Variants in SLC22A7 observed in about 807,000 individuals in gnomAD.
SLC22A7 encodes solute carrier family 22 member 7.
SLC22A7 carries 48 observed loss-of-function variants against 62.2 expected under a neutral mutation model. The observed-to-expected ratio is 0.77, with a 90% CI of 0.61 to 0.98. The LOEUF (loss-of-function observed/expected upper bound fraction) is 0.98. Among genes scored for constraint, SLC22A7 ranks in the 50% least tolerant of loss-of-function variants. SLC22A7 has a pLI of 0.00. For synonymous variants in SLC22A7, 276 were observed against 314.8 expected (o/e 0.88, Z 1.30); for missense variants, 581 against 703.8 (o/e 0.83, Z 1.97).
chr6:43,300,508 C>A (rs1778702941), intron 5 of SLC22A7, among the ~76,000 whole-genome samples: 1 of 152,100 alleles, frequency 6.6e-6, no homozygotes, highest in South Asian at 2.1e-4. Flanking sequence ...TCCTGCCACC[C>A]ATGGGAGAAG....
At chr6:43,296,438 G>A (rs1778565653), upstream of SLC22A7, among the ~76,000 whole-genome samples, 1 of 152,244 alleles carries the variant, frequency 6.6e-6, no homozygotes, top group Admixed American at 6.5e-5. Context: ...GAGATGGGGT[G>A]ACCACAAAAC....
Position 43,299,149 on chromosome 6 carries a change from C to T in SLC22A7, c.399+52C>T, listed in dbSNP as rs1778643407. ...GGTGGAATGTCGGTGGAGGCAGTCTCCCTGGGAGGCAGCAGGTCGAGGCCT... is the reference window on the plus strand; with the variant it reads ...GGTGGAATGTCGGTGGAGGCAGTCTTCCTGGGAGGCAGCAGGTCGAGGCCT... On this transcript the variant is annotated intron_variant, in intron 2 of 10. Transcript: ENST00000372585. This position sits in a 1 kb window ranked among gnomAD's most constrained non-coding sequence, Gnocchi z 4.4. 6.2e-7 allele frequency: 1 copy of T among 1,614,100 alleles called. No homozygotes were observed. Among genetic ancestry groups the T allele is most frequent in the African/African-American group, 1.3e-5 (1 of 75,032 alleles).
chr6:43,299,695 C>G lies in SLC22A7; in HGVS notation c.572C>G (p.Ala191Gly). 6.2e-7 allele frequency: 1 copy of G among 1,614,164 alleles called. No individual in the cohort carries two copies. Residue 191 changes from alanine (A) to glycine (G), a missense_variant, in exon 4 of 11, where the codon GCC becomes GGC. Physicochemically the swap from Ala to Gly is moderately conservative, Grantham distance 60. Coordinates refer to ENST00000372585, the MANE Select transcript of SLC22A7 (RefSeq NM_153320.2). The surrounding 1 kb of genome is among the most constrained non-coding windows in gnomAD (Gnocchi z 4.4). Reference sequence around the variant, plus strand: ...CTGGTGCTGGGCCTGGCATCTGCAGCCTCCGTCAGCTATGTAATGTTTGCC... The same window carrying G: ...CTGGTGCTGGGCCTGGCATCTGCAGGCTCCGTCAGCTATGTAATGTTTGCC... ...STLVLGLASA[A>G]SVSYVMFAIT...
intron 1 of SLC22A7, 126 bp from the exon 2 acceptor site, chr6:43,298,966 G>C: frequency 8.7e-7 from 1 of 1,151,422 alleles, no homozygotes; most frequent in Non-Finnish European, 1.2e-6. Context: ...TTAATTGGGA[G>C]GTGATTAAGG....
In SLC22A7 at chr6:43,299,558, T is replaced by C. The variant is rs1171111348; in HGVS notation, c.503+65T>C. 6.2e-7 allele frequency: 1 copy of C among 1,609,306 alleles called. No homozygotes were observed. The highest frequency in any genetic ancestry group is 1.3e-5 in the African/African-American group (1 of 74,804). On this transcript the variant is annotated intron_variant, in intron 3 of 10. Transcript: ENST00000372585. The surrounding 1 kb of genome is among the most constrained non-coding windows in gnomAD (Gnocchi z 4.4). ...GAACTTTCTCCCACTAGCTGGGGTA[T>C]GAGCCTAGTCTACCTATGCCTTAGA...
Position 43,304,754 on chromosome 6 carries a change from A to G in SLC22A7, c.*29A>G. 6.6e-7 allele frequency: 1 copy of G among 1,522,032 alleles called. No individual in the cohort carries two copies. Among genetic ancestry groups the G allele is most frequent in the Non-Finnish European group, 8.9e-7 (1 of 1,123,692 alleles). The allele number at this position is 1,522,032 out of a possible 1,614,324, so 94.3% of individuals were successfully genotyped here. On this transcript the variant is annotated 3_prime_UTR_variant, in exon 11 of 11. Coordinates refer to ENST00000372585, the MANE Select transcript of SLC22A7 (RefSeq NM_153320.2). ...GGAGTGGAGGCAGGCCCTCCACAGA[A>G]GCTCTGCAGCAGGGGCTGGGAGAGC...
In SLC22A7 at chr6:43,302,085, G is replaced by C. The variant is rs543022610; in HGVS notation, c.1062-115G>C. The stretch of plus-strand genomic sequence containing the variant: ...AGGGAAGGTCCTGGCGGGGGGACCG[G>C]GGGTTGCAGAGACAGAAGGAGATTG... On this transcript the variant is annotated intron_variant, in intron 7 of 10. Coordinates refer to ENST00000372585, the MANE Select transcript of SLC22A7 (RefSeq NM_153320.2). This position sits in a 1 kb window ranked among gnomAD's most constrained non-coding sequence, Gnocchi z 5.0. 72 of 922,458 alleles carry C rather than the reference G, an allele frequency of 7.8e-5. 2 individuals are homozygous for C. In the African/African-American group the frequency reaches 9.6e-4, roughly 12 times the overall value. The allele number at this position is 922,458 out of a possible 1,614,324, so 57.1% of individuals were successfully genotyped here.
rs377143174 is a variant in SLC22A7 at position 43,302,432 on chromosome 6, G to A, written c.1276+18G>A. On this transcript the variant is annotated intron_variant, in intron 8 of 10. Transcript: ENST00000372585. This position sits in a 1 kb window ranked among gnomAD's most constrained non-coding sequence, Gnocchi z 5.0. ...GTCCTCCGGTGAGCCCAGTCCCATA[G>A]GTTCTGCCCACCCCAGAAGCCGGGC... The A allele has an allele frequency of 3.3e-6, 5 of 1,529,374 alleles. No homozygotes were observed. In the Admixed American group the frequency reaches 6.0e-5, roughly 18 times the overall value. 94.7% of individuals were successfully genotyped at this position (1,529,374 alleles called of 1,614,324 possible). A position where few individuals can be genotyped will look rare whatever the true frequency, so the allele number is the denominator to read the frequency against.
chr6:43,298,832 A>G, intron 1 of SLC22A7, 81 bp downstream of exon 1: 2 of 1,502,524 alleles, frequency 1.3e-6, no homozygotes, highest in Non-Finnish European at 1.8e-6. Context: ...TAGGCATTAG[A>G]TGTATTACTT....
In SLC22A7 at chr6:43,301,399, T is replaced by G. The variant is rs1582550529; in HGVS notation, c.951+141T>G. The G allele has an allele frequency of 3.9e-6, 5 of 1,282,190 alleles. No homozygotes were observed. In the African/African-American group the frequency reaches 7.3e-5, roughly 19 times the overall value. The allele number at this position is 1,282,190 out of a possible 1,614,324, so 79.4% of individuals were successfully genotyped here. ...ACAGAGAGTTCCGAACTCTTTAGGA[T>G]GTCCTACCTGGCTCCAGTGGGCCAC... On this transcript the variant is annotated intron_variant, in intron 6 of 10. Coordinates refer to ENST00000372585, the MANE Select transcript of SLC22A7 (RefSeq NM_153320.2).
intron 9 of SLC22A7, chr6:43,303,081 C>G: frequency 5.1e-6 from 5 of 982,776 alleles, no homozygotes; most frequent in Non-Finnish European, 6.0e-6. Context: ...TGTGTTTGCC[C>G]TAGTCTTGGA....
In SLC22A7 at chr6:43,301,434, T is replaced by C. The variant is rs1778742812; in HGVS notation, c.952-149T>C. On this transcript the variant is annotated intron_variant, in intron 6 of 10. Coordinates refer to ENST00000372585, the MANE Select transcript of SLC22A7 (RefSeq NM_153320.2). ...GGCTCCAGTGGGCCACATCCATCAT[T>C]CGAGACCCACTCGTCTCAGCTGCCA... The C allele has an allele frequency of 3.7e-6, 4 of 1,077,868 alleles. No homozygotes were observed. In the Admixed American group the frequency reaches 6.4e-5, roughly 17 times the overall value. The allele number at this position is 1,077,868 out of a possible 1,614,324, so 66.8% of individuals were successfully genotyped here.
chr6:43,301,569 T>G lies in SLC22A7; in HGVS notation c.952-14T>G, dbSNP rs751166907. The G allele has an allele frequency of 7.5e-6, 12 of 1,603,876 alleles. No homozygotes were observed. The highest frequency in any genetic ancestry group is 1.3e-5 in the African/African-American group (1 of 74,724). ...CCAACTCTGATGTTACAACCTCACC[T>G]CCTTCCCTACCAGGCTGTGAGCAAA... On this transcript the variant is annotated splice_polypyrimidine_tract_variant and intron_variant, in intron 6 of 10. Coordinates refer to ENST00000372585, the MANE Select transcript of SLC22A7 (RefSeq NM_153320.2).
Position 43,302,496 on chromosome 6 carries a change from G to A in SLC22A7, c.1276+82G>A. On this transcript the variant is annotated intron_variant, in intron 8 of 10. Coordinates refer to ENST00000372585, the MANE Select transcript of SLC22A7 (RefSeq NM_153320.2). The surrounding 1 kb of genome is among the most constrained non-coding windows in gnomAD (Gnocchi z 5.0). ...CACTCCCCGGAGACCCCACCTCCTG[G>A]CCAAGAACCCACTCCTCCCCCAGAT... 7.6e-7 allele frequency: 1 copy of A among 1,324,154 alleles called. No homozygotes were observed. Among genetic ancestry groups the A allele is most frequent in the Non-Finnish European group, 1.0e-6 (1 of 972,860 alleles). The allele number at this position is 1,324,154 out of a possible 1,614,324, so 82.0% of individuals were successfully genotyped here.
At chr6:43,303,718 A>T (rs775769238) in intron 9 of SLC22A7, among the ~76,000 whole-genome samples, 3 of 152,176 alleles carry the variant, frequency 2.0e-5, no homozygotes, top group Non-Finnish European at 2.9e-5. Flanking sequence ...ACAACATGGC[A>T]GGGCCTGTAC....
rs756602876 is a variant in SLC22A7, at chr6:43,299,819, G to A, written c.658+38G>A. 1.4e-5 allele frequency: 22 copies of A among 1,614,066 alleles called. No homozygotes were observed. In the African/African-American group the frequency reaches 2.5e-4, roughly 19 times the overall value. Reference sequence around the variant, plus strand: ...AGAAACAGGCAGGACCTAGAGGGCTGGAAGAAGGCAGTTGTCAGAGTGAGG... The same window carrying A: ...AGAAACAGGCAGGACCTAGAGGGCTAGAAGAAGGCAGTTGTCAGAGTGAGG... On this transcript the variant is annotated intron_variant, in intron 4 of 10. Transcript: ENST00000372585. The surrounding 1 kb of genome is among the most constrained non-coding windows in gnomAD (Gnocchi z 4.4).
In SLC22A7 at chr6:43,300,084, C is replaced by T; in HGVS notation, c.827+18C>T. Reference sequence around the variant, plus strand: ...AGCCTCTGGTGAGGACTGCAGGCAGCTGGGGAGCGGGAGATACAGGAAGTG... The same window carrying T: ...AGCCTCTGGTGAGGACTGCAGGCAGTTGGGGAGCGGGAGATACAGGAAGTG... On this transcript the variant is annotated intron_variant, in intron 5 of 10. Coordinates refer to ENST00000372585, the MANE Select transcript of SLC22A7 (RefSeq NM_153320.2). 2 of 1,612,882 alleles carry T rather than the reference C, an allele frequency of 1.2e-6. No homozygotes were observed. Among genetic ancestry groups the T allele is most frequent in the Non-Finnish European group, 8.5e-7 (1 of 1,179,490 alleles).
Position 43,302,985 on chromosome 6 carries a change from G to C in SLC22A7, c.1385+222G>C, listed in dbSNP as rs944235599. On this transcript the variant is annotated intron_variant, in intron 9 of 10. Transcript: ENST00000372585. The surrounding 1 kb of genome is among the most constrained non-coding windows in gnomAD (Gnocchi z 5.0). ...GCCTCCAAAAGTGCTCGTATTACAG[G>C]CACTATTACAGGCATGAGCCACCGC... 2 of 401,296 alleles carry C rather than the reference G, an allele frequency of 5.0e-6. No homozygotes were observed. The highest frequency in any genetic ancestry group is 4.4e-5 in the African/African-American group (2 of 45,728). The allele number at this position is 401,296 out of a possible 1,614,324, so 24.9% of individuals were successfully genotyped here.
chr6:43,302,521 TC>T lies in SLC22A7; in HGVS notation c.1276+110del. 8.3e-7 allele frequency: 1 copy of T among 1,207,096 alleles called. No homozygotes were observed. Among genetic ancestry groups the T allele is most frequent in the Non-Finnish European group, 1.2e-6 (1 of 861,028 alleles). 74.8% of individuals were successfully genotyped at this position (1,207,096 alleles called of 1,614,324 possible). A position where few individuals can be genotyped will look rare whatever the true frequency, so the allele number is the denominator to read the frequency against. On this transcript the variant is annotated intron_variant, in intron 8 of 10. Transcript: ENST00000372585. This position sits in a 1 kb window ranked among gnomAD's most constrained non-coding sequence, Gnocchi z 5.0. ...GCCAAGAACCCACTCCTCCCCCAGA[TC>T]CCTGCTCTTACCCAGTGAGCTCAGA... is the stretch of plus-strand genomic sequence containing the variant.
Sources: gnomAD v4.1 joint callset for allele counts (sites outside exome capture counted in the v4.1 genomes callset) on GRCh38, gnomAD v4.1.1 for gene constraint, Gnocchi (gnomAD v3.1) non-coding constraint, MANE v1.5 for transcripts, NCBI Gene and HGNC (gene_info 2026-07-23, HGNC 2026-07-21) for gene names.